The following TAOK3 variants were observed in gnomAD, a reference collection of about 807,000 sequenced individuals.
TAOK3 encodes the protein serine/threonine-protein kinase TAO3.
TAOK3 carries 40 observed loss-of-function variants against 120.4 expected under a neutral mutation model. The observed-to-expected ratio is 0.33, with a 90% CI of 0.26 to 0.43. TAOK3 has a LOEUF of 0.43. Ranked by LOEUF, TAOK3 falls within the 20% of genes least tolerant of loss-of-function variation. The pLI is 1.00. For missense variants in TAOK3, 821 were observed against 1,112.1 expected (o/e 0.74, Z 3.72); for synonymous variants, 355 against 387.5 (o/e 0.92, Z 0.99).
intron 1 of TAOK3, among the ~76,000 whole-genome samples, chr12:118,341,253 G>A (rs144246871): frequency 0.014 from 2,130 of 151,922 alleles, 52 homozygotes; most frequent in African/African-American, 0.049. Flanking sequence ...CGCCTGCCTC[G>A]GCTTCCCAAA....
Position 118,230,588 on chromosome 12 carries a change from C to T in TAOK3, c.643+3086G>A, listed in dbSNP as rs564954542. On this transcript the variant is annotated intron_variant, in intron 9 of 20. Coordinates refer to ENST00000392533, the MANE Select transcript of TAOK3 (RefSeq NM_016281.4). ...GGTTCACACCGTTCTCCTGCCTCAGCCTCCCGAGTAGCTGGGACTACAGGC... is the reference window on the plus strand; with the variant it reads ...GGTTCACACCGTTCTCCTGCCTCAGTCTCCCGAGTAGCTGGGACTACAGGC... Among the ~76,000 whole-genome samples the T allele has an allele frequency of 3.0e-3, 447 of 150,936 alleles. 4 individuals carry two copies. Among genetic ancestry groups the T allele is most frequent in the African/African-American group, 0.01 (411 of 41,056 alleles).
intron 17 of TAOK3, among the ~76,000 whole-genome samples, chr12:118,162,824 G>C (rs1392855651): frequency 6.6e-6 from 1 of 152,090 alleles, no homozygotes; most frequent in Non-Finnish European, 1.5e-5. Context: ...GGAAAGGAAA[G>C]CAAACTAGAA....
intron 1 of TAOK3, among the ~76,000 whole-genome samples, chr12:118,271,854 A>C (rs2041711937): frequency 6.6e-6 from 1 of 152,228 alleles, no homozygotes; most frequent in Non-Finnish European, 1.5e-5. Context: ...CTAAGAGGAT[A>C]AGATGAAATA....
chr12:118,298,776 T>C (rs2042772919), intron 1 of TAOK3, among the ~76,000 whole-genome samples: 2 of 152,260 alleles, frequency 1.3e-5, no homozygotes, highest in African/African-American at 2.4e-5. Flanking sequence ...TATAGATATT[T>C]GACTTTTTCA....
At chr12:118,226,765 A>G (rs1427002549) in intron 9 of TAOK3, among the ~76,000 whole-genome samples, 4 of 152,178 alleles carry the variant, frequency 2.6e-5, no homozygotes, top group Non-Finnish European at 5.9e-5. Flanking sequence ...AAATGCAATC[A>G]AAGGCTGATA....
At position 118,214,143 on chromosome 12, in the gene TAOK3, C is replaced by T. The variant is rs758275226; in HGVS notation, c.644-33G>A. 21 of 1,548,502 alleles carry T rather than the reference C, an allele frequency of 1.4e-5. 1 individual carries two copies. In the South Asian group the frequency reaches 2.2e-4, roughly 16 times the overall value. ...AGGAAAGAAACACAATAAAGTAGTT[C>T]TTGAAGGAAACCAGGCAGACAGAGA... On this transcript the variant is annotated intron_variant, in intron 9 of 20. Transcript: ENST00000392533.
At chr12:118,368,993 T>C (rs113823733) in intron 1 of TAOK3, among the ~76,000 whole-genome samples, 17 of 125,870 alleles carry the variant, frequency 1.4e-4, no homozygotes, top group African/African-American at 4.7e-4. Context: ...ATCCCATCTC[T>C]ACTAAAAATA....
chr12:118,343,538 T>C (rs566887746), intron 1 of TAOK3, among the ~76,000 whole-genome samples: 6 of 152,226 alleles, frequency 3.9e-5, no homozygotes, highest in African/African-American at 1.4e-4. Context: ...AGATACTAGT[T>C]GAGCATTTGA....
intron 1 of TAOK3, among the ~76,000 whole-genome samples, chr12:118,316,577 C>T (rs78953184): frequency 1.4e-5 from 2 of 147,246 alleles, no homozygotes; most frequent in Non-Finnish European, 3.0e-5. Context: ...GATTCTCTCT[C>T]TTTTTTTTTT....
chr12:118,205,398 T>C (rs1339172856), intron 11 of TAOK3, among the ~76,000 whole-genome samples: 1 of 151,794 alleles, frequency 6.6e-6, no homozygotes, highest in Non-Finnish European at 1.5e-5. Flanking sequence ...ATTTTTCTTT[T>C]TCAAAGTGAG....
At chr12:118,340,791 AC>A (rs1404649187) in intron 1 of TAOK3, among the ~76,000 whole-genome samples, 5 of 151,110 alleles carry the variant, frequency 3.3e-5, no homozygotes, top group East Asian at 1.9e-4. Flanking sequence ...AAAAAAAAAA[AC>A]ATTGGCCGCA....
Position 118,317,974 on chromosome 12 carries a change from C to A in TAOK3, c.-193-51215G>T, listed in dbSNP as rs2043540038. Among the ~76,000 whole-genome samples the A allele has an allele frequency of 2.0e-5, 3 of 151,988 alleles. No homozygotes were observed. In the South Asian group the frequency reaches 6.2e-4, roughly 32 times the overall value. ...GCCCAGAAATAAACATTCATATCTA[C>A]AGCAAATTGATTTTCAACAAGGGTG... On this transcript the variant is annotated intron_variant, in intron 1 of 20. Coordinates refer to ENST00000392533, the MANE Select transcript of TAOK3 (RefSeq NM_016281.4).
chr12:118,152,160 A>C, intron 20 of TAOK3, 67 bp downstream of exon 20: 1 of 1,447,946 alleles, frequency 6.9e-7, no homozygotes, highest in Non-Finnish European at 9.6e-7. Flanking sequence ...GGCTGCATAT[A>C]TGGCAGTTCC....
At chr12:118,152,534 C>A in intron 19 of TAOK3, 125 bp from the exon 20 acceptor site, 1 of 873,740 alleles carries the variant, frequency 1.1e-6, no homozygotes, top group Non-Finnish European at 1.8e-6. Flanking sequence ...CCCTCAAAAA[C>A]ACAGATGCTC....
chr12:118,244,941 C>T lies in TAOK3; in HGVS notation c.145G>A (p.Val49Met), dbSNP rs1247515380. 6 of 1,610,184 alleles carry T rather than the reference C, an allele frequency of 3.7e-6. No homozygotes were observed. The highest frequency in any genetic ancestry group is 3.3e-4 in the Middle Eastern group (2 of 6,072). ...TAGGACATCTTCTTAATTGCCACCA[C>T]CTCACTGGTGTGAGCATTTGTAGCC... Reference protein sequence around the residue: ...YFATNAHTSEVVAIKKMSYSG... With the variant: ...YFATNAHTSEMVAIKKMSYSG... The change falls in exon 4 of 21, where the codon GTG (valine) becomes ATG (methionine). Residue 49 changes from valine to methionine, a missense_variant. Around this residue, in one of 2 missense-constraint regions of TAOK3, gnomAD observed 467 missense variants for 540.0 expected, o/e 0.86. Transcript: ENST00000392533.
intron 1 of TAOK3, among the ~76,000 whole-genome samples, chr12:118,300,082 G>A (rs2042824229): frequency 6.6e-6 from 1 of 152,154 alleles, no homozygotes; most frequent in African/African-American, 2.4e-5. Context: ...TCTGTGCTAG[G>A]TCTAGAATAT....
intron 9 of TAOK3, 60 bp downstream of exon 9, chr12:118,233,614 A>AATTC: frequency 7.8e-7 from 1 of 1,285,468 alleles, no homozygotes; most frequent in Non-Finnish European, 1.1e-6. Flanking sequence ...ATACAATGAA[A>AATTC]ATTCATCTGC....
intron 5 of TAOK3, among the ~76,000 whole-genome samples, chr12:118,240,731 A>G (rs1235717447): frequency 6.6e-6 from 1 of 152,118 alleles, no homozygotes; most frequent in Non-Finnish European, 1.5e-5. Context: ...ATCTCCACAC[A>G]CACATGCAAG....
intron 1 of TAOK3, among the ~76,000 whole-genome samples, chr12:118,329,348 A>C (rs900786268): frequency 6.6e-6 from 1 of 152,212 alleles, no homozygotes; most frequent in East Asian, 1.9e-4. Flanking sequence ...AGAACACACC[A>C]GGATTTGTGT....
Sources: allele counts gnomAD v4.1 joint callset (sites outside exome capture counted in the v4.1 genomes callset), GRCh38; gene constraint gnomAD v4.1.1; regional missense constraint gnomAD v4.1.1; transcripts MANE v1.5; gene names NCBI Gene and HGNC (gene_info 2026-07-23, HGNC 2026-07-21).